Variants in SH3PXD2B observed in about 807,000 individuals in gnomAD.
SH3PXD2B encodes the protein SH3 and PX domain-containing protein 2B.
Under a neutral mutation model 73.1 loss-of-function variants are expected in SH3PXD2B, and 37 were observed. The observed-to-expected ratio is 0.51, with a 90% CI of 0.39 to 0.67. The LOEUF is 0.67. Among genes scored for constraint, SH3PXD2B ranks in the 30% least tolerant of loss-of-function variants. The pLI is 0.00. For missense variants in SH3PXD2B, 1,053 were observed against 1,197.8 expected, an observed-to-expected ratio of 0.88 and a Z score of 1.78; for synonymous variants, 457 against 480.5, an observed-to-expected ratio of 0.95 and a Z score of 0.64.
At chr5:172,422,353 G>T (rs1477746336) in intron 2 of SH3PXD2B, 63 bp downstream of exon 2, 1 of 1,415,466 alleles carries the variant, frequency 7.1e-7, no homozygotes, top group African/African-American at 1.4e-5. Flanking sequence ...AAGCTGTAGT[G>T]GAATGTAAGT....
At chr5:172,326,029 C>T (rs895636164) in intron 12 of SH3PXD2B, among the ~76,000 whole-genome samples, 3 of 152,188 alleles carry the variant, frequency 2.0e-5, no homozygotes, top group East Asian at 3.8e-4. Flanking sequence ...TCAGGTGATC[C>T]GCCTGCCTCA....
chr5:172,439,110 C>T (rs115065040), intron 1 of SH3PXD2B, among the ~76,000 whole-genome samples: 6,146 of 151,296 alleles, frequency 0.041, 387 homozygotes, highest in African/African-American at 0.13. Flanking sequence ...TGTGGTGGTG[C>T]GCACCTGTAG....
At chr5:172,365,314 T>C (rs1053709702) in intron 6 of SH3PXD2B, among the ~76,000 whole-genome samples, 4 of 152,166 alleles carry the variant, frequency 2.6e-5, no homozygotes, top group Non-Finnish European at 5.9e-5. Context: ...CACCCCCATT[T>C]TGTGGGCAGG....
chr5:172,400,839 C>G (rs756217699), intron 3 of SH3PXD2B, among the ~76,000 whole-genome samples: 1 of 152,164 alleles, frequency 6.6e-6, no homozygotes, highest in African/African-American at 2.4e-5. Flanking sequence ...GGTTCGGGCT[C>G]GAGAAGGAAT....
chr5:172,449,630 G>T (rs1362507866), intron 1 of SH3PXD2B, among the ~76,000 whole-genome samples: 2 of 152,196 alleles, frequency 1.3e-5, no homozygotes, highest in Non-Finnish European at 2.9e-5. Context: ...GCCGATAAAG[G>T]TATGAAAAGC....
In SH3PXD2B at chr5:172,325,187, A is replaced by G. The variant is rs895370120; in HGVS notation, c.*89T>C. ...AAATGACTGAAATGGTAAGTTTTGT[A>G]TTACGCATATTTTACCACGACAAAA... is the stretch of plus-strand genomic sequence containing the variant. On this transcript the variant is annotated 3_prime_UTR_variant, in exon 13 of 13. Coordinates refer to the SH3PXD2B transcript ENST00000519643. 3.5e-5 allele frequency: 31 copies of G among 877,120 alleles called. No individual in the cohort carries two copies. In the African/African-American group the frequency reaches 4.2e-4, roughly 12 times the overall value. 54.3% of individuals were successfully genotyped at this position (877,120 alleles called of 1,614,324 possible).
At chr5:172,453,617 C>T (rs780632439) in intron 1 of SH3PXD2B, among the ~76,000 whole-genome samples, 2 of 152,214 alleles carry the variant, frequency 1.3e-5, no homozygotes, top group African/African-American at 4.8e-5. Context: ...CAAGTCCTTG[C>T]CAGCTCCAAA....
downstream of SH3PXD2B, among the ~76,000 whole-genome samples, chr5:172,331,096 G>T (rs902232843): frequency 1.3e-5 from 2 of 152,230 alleles, no homozygotes; most frequent in Non-Finnish European, 2.9e-5. Context: ...TCAGGAGGCT[G>T]AGGCAGGAGA....
chr5:172,348,304 A>G (rs1171756139), intron 10 of SH3PXD2B, among the ~76,000 whole-genome samples: 1 of 152,006 alleles, frequency 6.6e-6, no homozygotes, highest in Admixed American at 6.6e-5. Context: ...AGCAGAAGGA[A>G]TGCAACCTGG....
At chr5:172,385,192 A>G (rs1285909035) in intron 4 of SH3PXD2B, among the ~76,000 whole-genome samples, 1 of 151,988 alleles carries the variant, frequency 6.6e-6, no homozygotes, top group African/African-American at 2.4e-5. Flanking sequence ...CAGCCCTTGC[A>G]GTTGGAGCCA....
At chr5:172,450,431 G>A (rs1389760437) in intron 1 of SH3PXD2B, among the ~76,000 whole-genome samples, 1 of 151,976 alleles carries the variant, frequency 6.6e-6, no homozygotes, top group Non-Finnish European at 1.5e-5. Flanking sequence ...GTGAAGACTT[G>A]GAAGGTATAT....
intron 6 of SH3PXD2B, among the ~76,000 whole-genome samples, chr5:172,372,788 G>A (rs920167432): frequency 1.3e-5 from 2 of 152,158 alleles, no homozygotes; most frequent in African/African-American, 4.8e-5. Context: ...ATCTCTGTTC[G>A]CACCCCTGAT....
downstream of SH3PXD2B, among the ~76,000 whole-genome samples, chr5:172,332,256 C>CT (rs57471345): frequency 0.011 from 1,532 of 142,988 alleles, 27 homozygotes; most frequent in Non-Finnish European, 0.014. Flanking sequence ...TTTTTCCTTC[C>CT]TTTTTTTTTT....
At chr5:172,333,119 G>C (rs369077106), downstream of SH3PXD2B, among the ~76,000 whole-genome samples, 991 of 151,550 alleles carry the variant, frequency 6.5e-3, 14 homozygotes, top group African/African-American at 0.023. Context: ...TATTTTAGTA[G>C]AGATGGGGTT....
In SH3PXD2B at chr5:172,338,202, C is replaced by G. The variant is rs369052190; in HGVS notation, c.*167G>C. On this transcript the variant is annotated 3_prime_UTR_variant, in exon 13 of 13. Coordinates refer to ENST00000311601, the MANE Select transcript of SH3PXD2B (RefSeq NM_001017995.3). This position sits in a 1 kb window ranked among gnomAD's most constrained non-coding sequence, Gnocchi z 5.1. Reference sequence around the variant, plus strand: ...AGGAGGGATCAGGCCCAGGGGCGCCCGAGGTGTCCGAAACTCACTCTCCAC... The same window carrying G: ...AGGAGGGATCAGGCCCAGGGGCGCCGGAGGTGTCCGAAACTCACTCTCCAC... 6.6e-7 allele frequency: 1 copy of G among 1,509,148 alleles called. No homozygotes were observed. 93.5% of individuals were successfully genotyped at this position (1,509,148 alleles called of 1,614,324 possible).
At chr5:172,448,540 G>A (rs566944331) in intron 1 of SH3PXD2B, among the ~76,000 whole-genome samples, 1 of 152,188 alleles carries the variant, frequency 6.6e-6, no homozygotes, top group Non-Finnish European at 1.5e-5. Context: ...TCCTCACATA[G>A]TGCAAGGTCA....
At chr5:172,419,605 G>A (rs890054919) in intron 2 of SH3PXD2B, among the ~76,000 whole-genome samples, 5 of 152,198 alleles carry the variant, frequency 3.3e-5, no homozygotes, top group Admixed American at 6.5e-5. Context: ...GGGAGATCCT[G>A]AGGCTACAAG....
chr5:172,336,732 G>C lies in SH3PXD2B; in HGVS notation c.*1637C>G. The C allele has an allele frequency of 1.0e-6, 1 of 985,646 alleles. No homozygotes were observed. Among genetic ancestry groups the C allele is most frequent in the Non-Finnish European group, 1.2e-6 (1 of 830,196 alleles). 61.1% of individuals were successfully genotyped at this position (985,646 alleles called of 1,614,324 possible). On this transcript the variant is annotated 3_prime_UTR_variant, in exon 13 of 13. Coordinates refer to ENST00000311601, the MANE Select transcript of SH3PXD2B (RefSeq NM_001017995.3). ...GGGCAGGGCAGGGCAGGGCTGCCTCGGTCGGGTAGAATGGGAAGGGGTTCT... is the reference window on the plus strand; with the variant it reads ...GGGCAGGGCAGGGCAGGGCTGCCTCCGTCGGGTAGAATGGGAAGGGGTTCT...
In SH3PXD2B at chr5:172,425,608, G is replaced by C. The variant is rs375878287; in HGVS notation, c.76-3112C>G. On this transcript the variant is annotated intron_variant, in intron 1 of 12. Coordinates refer to ENST00000311601, the MANE Select transcript of SH3PXD2B (RefSeq NM_001017995.3). ...AGAGTATGACAGCTGACAGTGCTGC[G>C]GGAGGAAGGGGCTGAGCGGGGGAGG... Among the ~76,000 whole-genome samples, 13 of 152,106 alleles carry C rather than the reference G, an allele frequency of 8.5e-5. 1 individual carries two copies. The highest frequency in any genetic ancestry group is 5.8e-4 in the East Asian group (3 of 5,194).
Sources: allele counts gnomAD v4.1 joint callset (sites outside exome capture counted in the v4.1 genomes callset), GRCh38; gene constraint gnomAD v4.1.1; non-coding constraint Gnocchi (gnomAD v3.1); transcripts MANE v1.5; gene names NCBI Gene and HGNC (gene_info 2026-07-23, HGNC 2026-07-21).